Variants in ADAMTSL1 observed in about 807,000 individuals in gnomAD.
ADAMTSL1 encodes ADAMTS-like protein 1.
Under a neutral mutation model 201.8 loss-of-function variants are expected in ADAMTSL1, and 126 were observed. The ratio of observed to expected loss-of-function variants is 0.62; its 90% CI spans 0.54 to 0.72. The LOEUF (loss-of-function observed/expected upper bound fraction) is 0.72, where lower values mean the gene tolerates loss of function less well. ADAMTSL1 is among the 30% of genes least tolerant of loss of function. The pLI is 0.00. For synonymous variants in ADAMTSL1, 1,121 were observed against 903.4 expected (o/e 1.24, Z -4.32); for missense variants, 2,679 against 2,277.8 (o/e 1.18, Z -3.59).
At position 18,091,187 on chromosome 9, in the gene ADAMTSL1, G is replaced by T. The variant is rs562418654; in HGVS notation, c.88-72675G>T. Among the ~76,000 whole-genome samples, 232 of 151,748 alleles carry T rather than the reference G, an allele frequency of 1.5e-3. 1 individual carries two copies. Among genetic ancestry groups the T allele is most frequent in the African/African-American group, 5.3e-3 (219 of 41,366 alleles). On this transcript the variant is annotated intron_variant, in intron 1 of 29. Transcript: ENST00000680146. ...GTTTTTTGTTTGTTTTTTGTTCTTGGTATCACTGACACAATTTTTCACTTT... is the reference window on the plus strand; with the variant it reads ...GTTTTTTGTTTGTTTTTTGTTCTTGTTATCACTGACACAATTTTTCACTTT...
intron 1 of ADAMTSL1, among the ~76,000 whole-genome samples, chr9:18,070,942 C>T (rs968618801): frequency 1.3e-5 from 2 of 152,162 alleles, no homozygotes; most frequent in African/African-American, 4.8e-5. Flanking sequence ...AGAGAAGAAA[C>T]ATTGGGTGTT....
intron 2 of ADAMTSL1, among the ~76,000 whole-genome samples, chr9:18,180,321 C>G (rs573617081): frequency 0.029 from 4,438 of 152,142 alleles, 110 homozygotes; most frequent in Middle Eastern, 0.085. Flanking sequence ...ATCACGAGGT[C>G]AGGAGATCGA....
At chr9:18,444,964 G>A (rs1445124872) in intron 2 of ADAMTSL1, among the ~76,000 whole-genome samples, 1 of 152,070 alleles carries the variant, frequency 6.6e-6, no homozygotes, top group Non-Finnish European at 1.5e-5. Flanking sequence ...CATTTCACAG[G>A]TGAGAAAACT....
intron 23 of ADAMTSL1, among the ~76,000 whole-genome samples, chr9:18,843,749 T>C (rs1825891482): frequency 6.6e-6 from 1 of 150,906 alleles, no homozygotes; most frequent in African/African-American, 2.5e-5. Flanking sequence ...TATTCTTTTT[T>C]CTCTAAACTT....
intron 14 of ADAMTSL1, among the ~76,000 whole-genome samples, chr9:18,710,938 C>G (rs1320946198): frequency 6.6e-6 from 1 of 152,056 alleles, no homozygotes; most frequent in Non-Finnish European, 1.5e-5. Flanking sequence ...ACCCACAGTA[C>G]TCGTCCACCA....
rs144964135 is a variant in ADAMTSL1 at position 18,883,319 on chromosome 9, C to A, written c.4250-4512C>A. Among the ~76,000 whole-genome samples the A allele has an allele frequency of 3.3e-5, 5 of 152,266 alleles. No homozygotes were observed. The East Asian group carries it at 9.6e-4, about 29-fold the overall frequency. On this transcript the variant is annotated intron_variant, in intron 23 of 28. Transcript: ENST00000380548. ...CTTGGGATCATCAGGCCAGTCCCGG[C>A]ATGACTTTCTAATATAATGGCAAAG...
chr9:17,961,588 A>G (rs1441378873), intron 1 of ADAMTSL1, among the ~76,000 whole-genome samples: 1 of 152,136 alleles, frequency 6.6e-6, no homozygotes, highest in African/African-American at 2.4e-5. Context: ...GTGGTGAGGT[A>G]CACTTGCCAT....
At chr9:18,030,107 T>C (rs1359358427) in intron 1 of ADAMTSL1, among the ~76,000 whole-genome samples, 2 of 152,244 alleles carry the variant, frequency 1.3e-5, no homozygotes, top group Non-Finnish European at 2.9e-5. Flanking sequence ...CATATGTTTA[T>C]TGCGGCATTT....
At chr9:18,085,551 TACAC>T (rs1461162569) in intron 1 of ADAMTSL1, among the ~76,000 whole-genome samples, 4 of 149,094 alleles carry the variant, frequency 2.7e-5, no homozygotes, top group East Asian at 2.0e-4. Context: ...TGTGTATACA[TACAC>T]ACTGTGTGTA....
chr9:18,722,363 G>A (rs2133429779), intron 15 of ADAMTSL1, among the ~76,000 whole-genome samples: 1 of 152,222 alleles, frequency 6.6e-6, no homozygotes, highest in African/African-American at 2.4e-5. Context: ...AGACGTTTAA[G>A]AACTAAATCC....
chr9:18,833,048 C>T (rs1390578710), intron 23 of ADAMTSL1, among the ~76,000 whole-genome samples: 4 of 152,282 alleles, frequency 2.6e-5, no homozygotes, highest in Non-Finnish European at 2.9e-5. Flanking sequence ...TTATCGGACA[C>T]CCTGGTATTG....
chr9:18,845,657 G>C (rs1002412830), intron 23 of ADAMTSL1, among the ~76,000 whole-genome samples: 4 of 152,340 alleles, frequency 2.6e-5, no homozygotes, highest in East Asian at 3.9e-4. Context: ...CCTCTGCTGA[G>C]AATTGCAGAA....
chr9:18,358,586 C>G (rs1289076075), intron 2 of ADAMTSL1, among the ~76,000 whole-genome samples: 1 of 152,126 alleles, frequency 6.6e-6, no homozygotes, highest in Non-Finnish European at 1.5e-5. Context: ...CTCTATGAGT[C>G]TGCCCATTCT....
chr9:18,596,992 T>C (rs971990969), intron 4 of ADAMTSL1, among the ~76,000 whole-genome samples: 1 of 152,208 alleles, frequency 6.6e-6, no homozygotes, highest in Non-Finnish European at 1.5e-5. Flanking sequence ...TTTTGTCTTA[T>C]ATTAAATTTC....
At chr9:18,288,209 G>C (rs1402161029) in intron 2 of ADAMTSL1, among the ~76,000 whole-genome samples, 2 of 152,034 alleles carry the variant, frequency 1.3e-5, no homozygotes, top group Non-Finnish European at 1.5e-5. Context: ...ACAGACCAAC[G>C]AGAACGCATA....
intron 1 of ADAMTSL1, among the ~76,000 whole-genome samples, chr9:18,153,566 G>T (rs1371202314): frequency 1.3e-5 from 2 of 152,126 alleles, no homozygotes; most frequent in African/African-American, 4.8e-5. Context: ...GAGGCTGAAA[G>T]GTACTTGGTT....
chr9:18,864,361 T>C (rs1053476385), intron 23 of ADAMTSL1, among the ~76,000 whole-genome samples: 2 of 152,164 alleles, frequency 1.3e-5, no homozygotes. Flanking sequence ...AAATGAACTT[T>C]GGCTGTGTGG....
At chr9:18,644,472 G>A (rs1481875118) in intron 7 of ADAMTSL1, among the ~76,000 whole-genome samples, 1 of 151,770 alleles carries the variant, frequency 6.6e-6, no homozygotes, top group African/African-American at 2.4e-5. Context: ...GTGGCATGCT[G>A]GTGTGCTGCA....
intron 7 of ADAMTSL1, among the ~76,000 whole-genome samples, chr9:18,642,104 T>C (rs189502014): frequency 2.0e-5 from 3 of 151,918 alleles, no homozygotes. Context: ...GAAAGTGGAA[T>C]AAACCAAACA....
Sources: gnomAD v4.1 joint callset for allele counts (sites outside exome capture counted in the v4.1 genomes callset) on GRCh38, gnomAD v4.1.1 for gene constraint, MANE v1.5 for transcripts, NCBI Gene and HGNC (gene_info 2026-07-23, HGNC 2026-07-21) for gene names.